Variants in CDH20 observed in about 807,000 individuals in gnomAD.
CDH20 encodes the protein cadherin-20.
In CDH20, 29 loss-of-function variants were observed where a neutral mutation model predicts 74.2. That is an observed-to-expected ratio of 0.39 (90% CI 0.29 to 0.53). CDH20 has a LOEUF of 0.53. Among genes scored for constraint, CDH20 ranks in the 20% least tolerant of loss-of-function variants. CDH20 has a pLI of 0.69. For missense variants in CDH20, 988 were observed against 1,048.3 expected (o/e 0.94, Z 0.79); for synonymous variants, 469 against 405.4 (o/e 1.16, Z -1.88).
chr18:61,485,217 T>C (rs1910715442), intron 1 of CDH20, among the ~76,000 whole-genome samples: 1 of 152,186 alleles, frequency 6.6e-6, no homozygotes. Flanking sequence ...AATTCTTCGA[T>C]TCTCCATACA....
At chr18:61,350,474 C>T (rs1910267315) in intron 1 of CDH20, among the ~76,000 whole-genome samples, 1 of 151,992 alleles carries the variant, frequency 6.6e-6, no homozygotes, top group Non-Finnish European at 1.5e-5. Context: ...TGCACGATTC[C>T]ACCCTTAATC....
At chr18:61,455,971 A>T (rs1248401401) in intron 1 of CDH20, among the ~76,000 whole-genome samples, 2 of 152,190 alleles carry the variant, frequency 1.3e-5, no homozygotes, top group African/African-American at 4.8e-5. Flanking sequence ...TTACTGGAAA[A>T]CGTTTAAATA....
At chr18:61,519,438 C>A (rs1351758993) in intron 6 of CDH20, among the ~76,000 whole-genome samples, 2 of 151,308 alleles carry the variant, frequency 1.3e-5, no homozygotes, top group Non-Finnish European at 1.5e-5. Context: ...AGAAACCCTG[C>A]AAGCCAGAAG....
intron 1 of CDH20, among the ~76,000 whole-genome samples, chr18:61,447,740 T>G (rs944328708): frequency 2.0e-5 from 3 of 152,186 alleles, no homozygotes; most frequent in Non-Finnish European, 2.9e-5. Context: ...TAAATTTAAT[T>G]TCACATCATG....
At chr18:61,413,292 T>C (rs1599068100) in intron 1 of CDH20, among the ~76,000 whole-genome samples, 1 of 152,104 alleles carries the variant, frequency 6.6e-6, no homozygotes, top group Non-Finnish European at 1.5e-5. Context: ...TTTTAGAAAA[T>C]AGCATGAATG....
intron 1 of CDH20, among the ~76,000 whole-genome samples, chr18:61,374,636 G>A (rs1454093803): frequency 6.6e-6 from 1 of 152,032 alleles, no homozygotes; most frequent in Non-Finnish European, 1.5e-5. Flanking sequence ...AAATTTTTAT[G>A]TTTAAAATGC....
intron 6 of CDH20, among the ~76,000 whole-genome samples, chr18:61,517,736 C>T (rs1457955541): frequency 6.6e-6 from 1 of 151,336 alleles, no homozygotes; most frequent in Non-Finnish European, 1.5e-5. Flanking sequence ...TTTTGTTTTA[C>T]CCCCAGTGGC....
chr18:61,466,086 C>CTATATA lies in CDH20; in HGVS notation c.-152-24303_-152-24298dup, dbSNP rs35791225. Reference sequence around the variant, plus strand: ...TAAATATATATATTTTCTCATTAAGCTATATATATATATATATAGCTATTT... The same window carrying CTATATA: ...TAAATATATATATTTTCTCATTAAGCTATATATATATATATATATATATAGCTATTT... On this transcript the variant is annotated intron_variant, in intron 1 of 11. Transcript: ENST00000262717. Among the ~76,000 whole-genome samples the CTATATA allele has an allele frequency of 1.1e-3, 152 of 142,314 alleles. 2 individuals carry two copies. Among genetic ancestry groups the CTATATA allele is most frequent in the African/African-American group, 3.8e-3 (143 of 37,604 alleles). The allele number at this position is 142,314 out of a possible 152,430, so 93.4% of individuals were successfully genotyped here. A position where few individuals can be genotyped will look rare whatever the true frequency, so the allele number is the denominator to read the frequency against.
chr18:61,455,776 C>T (rs1909553013), intron 1 of CDH20, among the ~76,000 whole-genome samples: 1 of 152,114 alleles, frequency 6.6e-6, no homozygotes, highest in Admixed American at 6.6e-5. Context: ...GATATGAGAA[C>T]TCAAGTTGGA....
chr18:61,388,778 C>T (rs1466271673), intron 1 of CDH20, among the ~76,000 whole-genome samples: 1 of 152,100 alleles, frequency 6.6e-6, no homozygotes, highest in Admixed American at 6.6e-5. Context: ...AACAGAAAGC[C>T]AGTGAGGGAA....
At chr18:61,504,132 A>C (rs1911479827) in intron 5 of CDH20, among the ~76,000 whole-genome samples, 1 of 152,190 alleles carries the variant, frequency 6.6e-6, no homozygotes. Flanking sequence ...CTGTATCTCC[A>C]GTGGAAGCCA....
In CDH20 at chr18:61,527,389, A is replaced by AGAT. The variant is rs1491090383; in HGVS notation, c.1018-577_1018-575dup. Reference sequence around the variant, plus strand: ...CTAATAGATAGATAGATAGATAGATAGATAGATAGATAGATAGATAGATAG... The same window carrying AGAT: ...CTAATAGATAGATAGATAGATAGATAGATGATAGATAGATAGATAGATAGATAG... On this transcript the variant is annotated intron_variant, in intron 6 of 11. Coordinates refer to ENST00000262717, the MANE Select transcript of CDH20 (RefSeq NM_031891.4). Among the ~76,000 whole-genome samples, 109 of 133,504 alleles carry AGAT rather than the reference A, an allele frequency of 8.2e-4. 1 individual carries two copies. Among genetic ancestry groups the AGAT allele is most frequent in the African/African-American group, 2.5e-3 (94 of 37,018 alleles). The allele number at this position is 133,504 out of a possible 152,430, so 87.6% of individuals were successfully genotyped here. A position where few individuals can be genotyped will look rare whatever the true frequency, so the allele number is the denominator to read the frequency against.
At chr18:61,395,806 G>A (rs909659439) in intron 1 of CDH20, among the ~76,000 whole-genome samples, 3 of 152,126 alleles carry the variant, frequency 2.0e-5, no homozygotes, top group African/African-American at 4.8e-5. Flanking sequence ...AGGCCAAGGC[G>A]GGCAGATCAT....
At chr18:61,452,977 T>C (rs1179544814) in intron 1 of CDH20, among the ~76,000 whole-genome samples, 1 of 152,210 alleles carries the variant, frequency 6.6e-6, no homozygotes, top group Non-Finnish European at 1.5e-5. Context: ...CACATAAGGT[T>C]ATGAAGAAAT....
chr18:61,478,608 T>A (rs143020534), intron 1 of CDH20, among the ~76,000 whole-genome samples: 118 of 152,326 alleles, frequency 7.7e-4, no homozygotes, highest in African/African-American at 2.3e-3. Context: ...CATGTTGTAA[T>A]TGTTCCCATT....
In CDH20 at chr18:61,554,182, C is replaced by A. The variant is rs755027848; in HGVS notation, c.1901-8C>A. ...CGGTAAACACACTCTCCTTTTTGTTCCTGGCAGTGCTGGTGTTGCTCATTT... is the reference window on the plus strand; with the variant it reads ...CGGTAAACACACTCTCCTTTTTGTTACTGGCAGTGCTGGTGTTGCTCATTT... On this transcript the variant is annotated splice_polypyrimidine_tract_variant and splice_region_variant and intron_variant, in intron 11 of 11. Transcript: ENST00000262717. The A allele has an allele frequency of 8.2e-5, 131 of 1,601,068 alleles. 1 individual carries two copies. The highest frequency in any genetic ancestry group is 1.1e-4 in the Non-Finnish European group (124 of 1,171,914).
At chr18:61,350,268 C>T (rs982712698) in intron 1 of CDH20, among the ~76,000 whole-genome samples, 2 of 152,058 alleles carry the variant, frequency 1.3e-5, no homozygotes, top group African/African-American at 4.8e-5. Flanking sequence ...TATGTTCTGG[C>T]CCTCATCATT....
chr18:61,350,965 G>C (rs1910285144), intron 1 of CDH20, among the ~76,000 whole-genome samples: 1 of 152,154 alleles, frequency 6.6e-6, no homozygotes, highest in South Asian at 2.1e-4. Flanking sequence ...CCCAGGAAGA[G>C]GAAATGTGAC....
intron 9 of CDH20, among the ~76,000 whole-genome samples, chr18:61,543,515 C>A (rs754869248): frequency 4.9e-5 from 1 of 20,292 alleles, no homozygotes; most frequent in Non-Finnish European, 4.1e-4. Flanking sequence ...ATAGCTTTTA[C>A]ATCATGGTCT....
Sources: allele counts gnomAD v4.1 joint callset (sites outside exome capture counted in the v4.1 genomes callset), GRCh38; gene constraint gnomAD v4.1.1; transcripts MANE v1.5; gene names NCBI Gene and HGNC (gene_info 2026-07-23, HGNC 2026-07-21).